The following SORBS2 variants were observed in gnomAD, a reference collection of about 807,000 sequenced individuals.
SORBS2 encodes the protein sorbin and SH3 domain-containing protein 2.
SORBS2 carries 46 observed loss-of-function variants against 97.7 expected under a neutral mutation model. The observed-to-expected ratio is 0.47, with a 90% CI of 0.37 to 0.60. The LOEUF is 0.60. SORBS2 is among the 20% of genes least tolerant of loss of function. The pLI is 0.00. For missense variants in SORBS2, 1,316 were observed against 1,282.3 expected (o/e 1.03, Z -0.40); for synonymous variants, 476 against 473.4 (o/e 1.01, Z -0.07).
At chr4:185,791,259 A>G (rs2099078672) in intron 1 of SORBS2, among the ~76,000 whole-genome samples, 1 of 148,290 alleles carries the variant, frequency 6.7e-6, no homozygotes, top group African/African-American at 2.7e-5. Flanking sequence ...TACATTTATG[A>G]ATACATTAAA....
intron 1 of SORBS2, among the ~76,000 whole-genome samples, chr4:185,890,590 C>G (rs189258593): frequency 1.3e-5 from 2 of 152,230 alleles, no homozygotes; most frequent in African/African-American, 4.8e-5. Context: ...CTCACCCTGA[C>G]GGCTTCATGA....
chr4:185,868,147 C>CTTTTTTTTTTTTTTTTTTTTTT (rs372271322), intron 1 of SORBS2, among the ~76,000 whole-genome samples: 1 of 89,766 alleles, frequency 1.1e-5, no homozygotes, highest in Non-Finnish European at 2.2e-5. Context: ...CTTTTCTTTT[C>CTTTTTTTTTTTTTTTTTTTTTT]TTTTTTTCTT....
chr4:185,807,519 T>G (rs2099161902), intron 1 of SORBS2, among the ~76,000 whole-genome samples: 1 of 152,206 alleles, frequency 6.6e-6, no homozygotes, highest in African/African-American at 2.4e-5. Flanking sequence ...TGAAGTGTGG[T>G]GGAGTTCCAT....
At chr4:185,867,270 A>G (rs1235391712) in intron 1 of SORBS2, among the ~76,000 whole-genome samples, 1 of 152,322 alleles carries the variant, frequency 6.6e-6, no homozygotes, top group East Asian at 1.9e-4. Context: ...TCAGCCTCCC[A>G]AAGTGCTGGG....
At chr4:185,932,461 T>G (rs1441408591) in intron 1 of SORBS2, among the ~76,000 whole-genome samples, 1 of 151,944 alleles carries the variant, frequency 6.6e-6, no homozygotes, top group East Asian at 1.9e-4. Context: ...AATACTGTTA[T>G]CATTAACAAC....
intron 1 of SORBS2, among the ~76,000 whole-genome samples, chr4:185,807,150 C>T (rs1284900121): frequency 2.0e-5 from 3 of 151,862 alleles, no homozygotes; most frequent in South Asian, 2.1e-4. Context: ...AAAATATCAC[C>T]GAAACTTTCA....
chr4:185,838,649 C>T (rs1369802307), intron 1 of SORBS2, among the ~76,000 whole-genome samples: 1 of 152,198 alleles, frequency 6.6e-6, no homozygotes, highest in Non-Finnish European at 1.5e-5. Context: ...TGCCTTTTTT[C>T]CTGCCTTGTC....
At chr4:185,714,580 T>G (rs1365828018) in intron 2 of SORBS2, among the ~76,000 whole-genome samples, 4 of 152,194 alleles carry the variant, frequency 2.6e-5, no homozygotes, top group African/African-American at 9.7e-5. Flanking sequence ...AAGACATACC[T>G]GAGACTGGGT....
chr4:185,841,203 G>C (rs1428337171), intron 1 of SORBS2, among the ~76,000 whole-genome samples: 1 of 152,184 alleles, frequency 6.6e-6, no homozygotes, highest in Non-Finnish European at 1.5e-5. Flanking sequence ...TCTAAGCTGG[G>C]TAATAACACA....
intron 4 of SORBS2, among the ~76,000 whole-genome samples, chr4:185,668,668 G>T (rs991899202): frequency 5.3e-5 from 8 of 152,206 alleles, no homozygotes; most frequent in African/African-American, 1.9e-4. Context: ...GGGGAAGAAG[G>T]CAGTATTTTC....
intron 1 of SORBS2, among the ~76,000 whole-genome samples, chr4:185,825,884 C>T (rs986977609): frequency 1.3e-5 from 2 of 152,060 alleles, no homozygotes; most frequent in Non-Finnish European, 2.9e-5. Flanking sequence ...TTCTCGGTTG[C>T]GATGACCTAG....
intron 1 of SORBS2, among the ~76,000 whole-genome samples, chr4:185,917,387 T>C (rs1438980702): frequency 6.6e-6 from 1 of 152,166 alleles, no homozygotes; most frequent in Non-Finnish European, 1.5e-5. Context: ...CCACCATGCC[T>C]AGCTCATCTT....
At chr4:185,630,421 T>C (rs2096887907) in intron 5 of SORBS2, 128 bp downstream of exon 17, 1 of 473,912 alleles carries the variant, frequency 2.1e-6, no homozygotes, top group Non-Finnish European at 3.7e-6. Flanking sequence ...AACAACTTCA[T>C]GAGGCATGGT....
chr4:185,686,478 C>T (rs1220148259), intron 2 of SORBS2, among the ~76,000 whole-genome samples: 1 of 151,794 alleles, frequency 6.6e-6, no homozygotes, highest in Non-Finnish European at 1.5e-5. Flanking sequence ...AATTAAGAAC[C>T]CAAAGAAAGT....
At chr4:185,809,028 T>C (rs766453236) in intron 1 of SORBS2, among the ~76,000 whole-genome samples, 16 of 152,158 alleles carry the variant, frequency 1.1e-4, no homozygotes, top group Non-Finnish European at 2.2e-4. Flanking sequence ...TTTTATGAAA[T>C]TGGGATCCTG....
chr4:185,722,786 C>G (rs764764103), intron 2 of SORBS2, among the ~76,000 whole-genome samples: 1 of 152,144 alleles, frequency 6.6e-6, no homozygotes, highest in Non-Finnish European at 1.5e-5. Context: ...GCAGCATGAG[C>G]TTTTAACACT....
rs377262822 is a variant in SORBS2, at chr4:185,602,610, C to T, written c.2797-8675G>A. Among the ~76,000 whole-genome samples the T allele has an allele frequency of 3.3e-4, 50 of 152,294 alleles. No homozygotes were observed. In the South Asian group the frequency reaches 5.8e-3, roughly 18 times the overall value. ...AAAATGTTATTACAATGATTTCATG[C>T]GTGCTATACTATGTCATTAAAACAT... is the stretch of plus-strand genomic sequence containing the variant. On this transcript the variant is annotated intron_variant, in intron 12 of 14. Transcript: ENST00000418609.
chr4:185,801,838 G>A (rs548058993), intron 1 of SORBS2, among the ~76,000 whole-genome samples: 6 of 152,236 alleles, frequency 3.9e-5, no homozygotes, highest in South Asian at 2.1e-4. Context: ...AAAACCCAAT[G>A]AGCACTTCCC....
At chr4:185,848,340 T>C (rs929780325) in intron 1 of SORBS2, among the ~76,000 whole-genome samples, 1 of 152,148 alleles carries the variant, frequency 6.6e-6, no homozygotes, top group Non-Finnish European at 1.5e-5. Flanking sequence ...GTAAAAGTTA[T>C]TGGACAAGGA....
Sources: gnomAD v4.1 joint callset for allele counts (sites outside exome capture counted in the v4.1 genomes callset) on GRCh38, gnomAD v4.1.1 for gene constraint, MANE v1.5 for transcripts, NCBI Gene and HGNC (gene_info 2026-07-23, HGNC 2026-07-21) for gene names.